PPP2R2B: variants seen among roughly 807,000 people sequenced by gnomAD.
PPP2R2B encodes protein phosphatase 2 regulatory subunit Bbeta, also known as serine/threonine-protein phosphatase 2A 55 kDa regulatory subunit B beta isoform.
A neutral mutation model predicts 46.0 loss-of-function variants in PPP2R2B; 5 were observed. That is an observed-to-expected ratio of 0.11 (90% CI 0.06 to 0.23). The LOEUF (loss-of-function observed/expected upper bound fraction) is 0.23. PPP2R2B is among the 10% of genes least tolerant of loss of function. PPP2R2B has a pLI of 1.00. For synonymous variants in PPP2R2B, 215 were observed against 206.7 expected, an observed-to-expected ratio of 1.04 and a Z score of -0.34; for missense variants, 367 against 575.0, an observed-to-expected ratio of 0.64 and a Z score of 3.70.
At chr5:147,045,654 AT>A (rs1756511114) in intron 1 of PPP2R2B, among the ~76,000 whole-genome samples, 1 of 152,114 alleles carries the variant, frequency 6.6e-6, no homozygotes, top group Non-Finnish European at 1.5e-5. Flanking sequence ...ATATATATAT[AT>A]TTTTAAATGT....
chr5:146,878,083 T>C lies in PPP2R2B; in HGVS notation c.-12A>G. ...ATGTCCTCCTCCATTGACAGCAGGC[T>C]TACTTGCGTGGGAACCAGAAGCCGG... On this transcript the variant is annotated 5_prime_UTR_variant, in exon 2 of 10. Coordinates refer to ENST00000394411, the MANE Select transcript of PPP2R2B (RefSeq NM_181675.4). This position sits in a 1 kb window ranked among gnomAD's most constrained non-coding sequence, Gnocchi z 4.5. 1.2e-6 allele frequency: 2 copies of C among 1,614,168 alleles called. No homozygotes were observed. Among genetic ancestry groups the C allele is most frequent in the South Asian group, 2.2e-5 (2 of 91,088 alleles).
chr5:146,910,755 CTTT>C (rs1561512192), intron 1 of PPP2R2B, among the ~76,000 whole-genome samples: 1 of 152,044 alleles, frequency 6.6e-6, no homozygotes, highest in Non-Finnish European at 1.5e-5. Flanking sequence ...AAGTTTCTTA[CTTT>C]TTTAAGAAAA....
At chr5:146,883,023 C>G (rs181855201), upstream of PPP2R2B, among the ~76,000 whole-genome samples, 264 of 152,256 alleles carry the variant, frequency 1.7e-3, 1 homozygote, top group African/African-American at 5.7e-3. Flanking sequence ...ACACAGGAAA[C>G]TTTTGGGTCA....
chr5:146,724,593 A>G (rs10067168), intron 2 of PPP2R2B, among the ~76,000 whole-genome samples: 9,411 of 152,148 alleles, frequency 0.062, 982 homozygotes, highest in African/African-American at 0.21. Context: ...AGGAGAGTGG[A>G]CTCGTTGTGA....
intron 2 of PPP2R2B, among the ~76,000 whole-genome samples, chr5:146,787,900 A>T (rs1755944473): frequency 1.3e-5 from 2 of 152,132 alleles, no homozygotes; most frequent in Non-Finnish European, 1.5e-5. Flanking sequence ...AAATCTTAAC[A>T]GGTGTGATAA....
At position 146,691,130 on chromosome 5, in the gene PPP2R2B, G is replaced by A. The variant is rs778242934; in HGVS notation, c.445C>T (p.Arg149Trp). The change falls in exon 5 of 10, where the codon CGG (arginine) becomes TGG (tryptophan). Residue 149 changes from arginine to tryptophan, a missense_variant and splice_region_variant. Arg to Trp is a moderately radical substitution (Grantham distance 101). Coordinates refer to ENST00000394411, the MANE Select transcript of PPP2R2B (RefSeq NM_181675.4). Reference protein sequence around the residue: ...LRDPATITTLRVPVLRPMDLM... With the variant: ...LRDPATITTLWVPVLRPMDLM... Reference sequence around the variant, plus strand: ...CCAGGGCAGCTGTTTGCACTCACCCGCAGGGTTGTGATGGTGGCAGGATCC... The same window carrying A: ...CCAGGGCAGCTGTTTGCACTCACCCACAGGGTTGTGATGGTGGCAGGATCC... 5 of 1,613,532 alleles carry A rather than the reference G, an allele frequency of 3.1e-6. No homozygotes were observed. Among genetic ancestry groups the A allele is most frequent in the South Asian group, 2.2e-5 (2 of 91,042 alleles).
intron 2 of PPP2R2B, among the ~76,000 whole-genome samples, chr5:147,061,713 G>C (rs1008950322): frequency 1.3e-5 from 2 of 152,086 alleles, no homozygotes; most frequent in African/African-American, 2.4e-5. Context: ...CTTTGAAGAT[G>C]GGGGTCGGCT....
Position 146,638,930 on chromosome 5 carries a change from T to C in PPP2R2B, c.626-515A>G, listed in dbSNP as rs75481845. 7.1e-4 allele frequency among the ~76,000 whole-genome samples: 108 copies of C among 152,326 alleles called. 2 individuals carry two copies. The East Asian group carries it at 0.018, about 26-fold the overall frequency. On this transcript the variant is annotated intron_variant, in intron 6 of 9. Coordinates refer to ENST00000394411, the MANE Select transcript of PPP2R2B (RefSeq NM_181675.4). ...TATAATATGTTGATGATAATAATAATAGCTGCCACCAATAATGGAGCACTA... is the reference window on the plus strand; with the variant it reads ...TATAATATGTTGATGATAATAATAACAGCTGCCACCAATAATGGAGCACTA...
chr5:146,616,045 G>A lies in PPP2R2B; in HGVS notation c.791-15585C>T, dbSNP rs1481981674. On this transcript the variant is annotated intron_variant, in intron 7 of 9. Transcript: ENST00000394411. Reference sequence around the variant, plus strand: ...GTACTGGCATAAAAACAGACATATAGATCAATGGAACACAAGAACCCAGAA... The same window carrying A: ...GTACTGGCATAAAAACAGACATATAAATCAATGGAACACAAGAACCCAGAA... Among the ~76,000 whole-genome samples the A allele has an allele frequency of 7.9e-5, 12 of 152,204 alleles. No individual in the cohort carries two copies. In the East Asian group the frequency reaches 1.9e-3, roughly 24 times the overall value.
chr5:146,706,597 G>C (rs1425503640), intron 2 of PPP2R2B: 1 of 819,708 alleles, frequency 1.2e-6, no homozygotes, highest in African/African-American at 1.7e-5. Context: ...TTAATGACCA[G>C]CTCCCTGCGC....
chr5:146,642,147 G>T (rs1196553252), intron 6 of PPP2R2B, among the ~76,000 whole-genome samples: 1 of 152,246 alleles, frequency 6.6e-6, no homozygotes, highest in East Asian at 1.9e-4. Context: ...AGGGGGCATA[G>T]CCAGCTTGGC....
chr5:146,761,285 C>G (rs1275550179), intron 2 of PPP2R2B, among the ~76,000 whole-genome samples: 1 of 152,178 alleles, frequency 6.6e-6, no homozygotes, highest in Admixed American at 6.5e-5. Flanking sequence ...CAACGATAGA[C>G]TGGATTAAGA....
At chr5:146,975,759 G>A (rs1752870319) in intron 1 of PPP2R2B, among the ~76,000 whole-genome samples, 1 of 152,106 alleles carries the variant, frequency 6.6e-6, no homozygotes, top group Admixed American at 6.5e-5. Context: ...CTTTTCCTAT[G>A]CTTGTTGACT....
intron 1 of PPP2R2B, among the ~76,000 whole-genome samples, chr5:147,031,127 C>T (rs1225714785): frequency 6.6e-6 from 1 of 151,990 alleles, no homozygotes; most frequent in Admixed American, 6.5e-5. Flanking sequence ...GTCCCAGCCA[C>T]TCGGGAGGCT....
At chr5:147,006,895 G>T (rs879837730) in intron 1 of PPP2R2B, among the ~76,000 whole-genome samples, 6 of 152,168 alleles carry the variant, frequency 3.9e-5, no homozygotes, top group Non-Finnish European at 8.8e-5. Context: ...ACAGGAAAAG[G>T]TTTCCAAAAT....
intron 1 of PPP2R2B, among the ~76,000 whole-genome samples, chr5:146,942,809 T>A (rs779989711): frequency 1.3e-5 from 2 of 152,238 alleles, no homozygotes; most frequent in African/African-American, 4.8e-5. Context: ...ATAGTTTTTT[T>A]TTTTTTGAGA....
At chr5:147,049,788 A>C (rs1756714614) in intron 1 of PPP2R2B, among the ~76,000 whole-genome samples, 1 of 152,220 alleles carries the variant, frequency 6.6e-6, no homozygotes, top group Admixed American at 6.5e-5. Flanking sequence ...TGGACTCTGC[A>C]ATGTGGTGGT....
In PPP2R2B at chr5:147,018,467, T is replaced by C. The variant is rs371060050; in HGVS notation, c.79+37198A>G. On this transcript the variant is annotated intron_variant, in intron 1 of 8. Coordinates refer to the PPP2R2B transcript ENST00000336640. ...TCTTTAAAAGATCTCATTTTTTATA[T>C]ATATTTTTTAAAAACACTTTTCCTT... Among the ~76,000 whole-genome samples, 5 of 152,324 alleles carry C rather than the reference T, an allele frequency of 3.3e-5. No individual in the cohort carries two copies. In the South Asian group the frequency reaches 1.0e-3, roughly 32 times the overall value.
intron 1 of PPP2R2B, among the ~76,000 whole-genome samples, chr5:147,039,417 T>C (rs1251536956): frequency 6.6e-6 from 1 of 152,184 alleles, no homozygotes; most frequent in Non-Finnish European, 1.5e-5. Flanking sequence ...AAGAAATGAA[T>C]GCTGTCCCTT....
Sources: allele counts gnomAD v4.1 joint callset (sites outside exome capture counted in the v4.1 genomes callset), GRCh38; gene constraint gnomAD v4.1.1; non-coding constraint Gnocchi (gnomAD v3.1); transcripts MANE v1.5; gene names NCBI Gene and HGNC (gene_info 2026-07-23, HGNC 2026-07-21).